The following RALGPS2 variants were observed in gnomAD, a reference collection of about 807,000 sequenced individuals.
RALGPS2 encodes the protein ras-specific guanine nucleotide-releasing factor RalGPS2.
RALGPS2 carries 43 observed loss-of-function variants against 86.8 expected under a neutral mutation model. The observed-to-expected ratio is 0.50, with a 90% CI of 0.39 to 0.64. RALGPS2 has a LOEUF of 0.64. RALGPS2 is among the 30% of genes least tolerant of loss of function. The probability of loss-of-function intolerance (pLI) is 0.00; values close to 1 mark genes in which losing one functional copy is unlikely to be tolerated. For missense variants in RALGPS2, 536 were observed against 694.6 expected, an observed-to-expected ratio of 0.77 and a Z score of 2.57; for synonymous variants, 243 against 231.3, an observed-to-expected ratio of 1.05 and a Z score of -0.46.
At chr1:178,843,901 C>T (rs897798046) in intron 8 of RALGPS2, among the ~76,000 whole-genome samples, 13 of 152,046 alleles carry the variant, frequency 8.6e-5, no homozygotes, top group Non-Finnish European at 1.6e-4. Context: ...CAGTTTAGTT[C>T]GTTTCCAGTA....
At position 178,918,438 on chromosome 1, in the gene RALGPS2, T is replaced by G. The variant is rs899595943; in HGVS notation, c.*2079T>G. 1 of 152,154 alleles carries G rather than the reference T, an allele frequency of 6.6e-6. No individual in the cohort carries two copies. The allele number at this position is 152,154 out of a possible 1,614,324, so 9.4% of individuals were successfully genotyped here. A position where few individuals can be genotyped will look rare whatever the true frequency, so the allele number is the denominator to read the frequency against. ...GTCATAATAAGCTAACGTAGAAATG[T>G]TGTAGGTTAACCATATCTGTGGAAA... is the stretch of plus-strand genomic sequence containing the variant. On this transcript the variant is annotated 3_prime_UTR_variant, in exon 20 of 20. Coordinates refer to ENST00000367635, the MANE Select transcript of RALGPS2 (RefSeq NM_152663.5).
chr1:178,798,035 T>TAAGAAAAAGG (rs1654287411), intron 4 of RALGPS2, among the ~76,000 whole-genome samples: 1 of 133,712 alleles, frequency 7.5e-6, no homozygotes, highest in South Asian at 2.4e-4. Flanking sequence ...AAAAAAAAAT[T>TAAGAAAAAGG]AAGAAAAAGG....
At chr1:178,846,659 G>A (rs1656880647) in intron 8 of RALGPS2, among the ~76,000 whole-genome samples, 1 of 152,082 alleles carries the variant, frequency 6.6e-6, no homozygotes, top group Non-Finnish European at 1.5e-5. Flanking sequence ...TGTTCATAGT[G>A]TTTTCTTTAA....
chr1:178,894,679 A>G (rs550138202), intron 16 of RALGPS2, among the ~76,000 whole-genome samples: 59 of 152,198 alleles, frequency 3.9e-4, no homozygotes, highest in African/African-American at 1.3e-3. Flanking sequence ...TTTTTAGACT[A>G]TGGTTGCCTG....
intron 1 of RALGPS2, among the ~76,000 whole-genome samples, chr1:178,740,825 A>AT (rs1650980276): frequency 6.6e-6 from 1 of 152,146 alleles, no homozygotes; most frequent in Non-Finnish European, 1.5e-5. Context: ...GGTGTCAGAC[A>AT]TTTGACATTA....
At chr1:178,762,625 A>G (rs867758630) in intron 1 of RALGPS2, among the ~76,000 whole-genome samples, 3 of 152,220 alleles carry the variant, frequency 2.0e-5, no homozygotes, top group Admixed American at 6.5e-5. Context: ...GCATTTTTTC[A>G]TATGCTTATT....
At position 178,893,946 on chromosome 1, in the gene RALGPS2, A is replaced by T. The variant is rs1659828812; in HGVS notation, c.1353A>T (p.Val451=). The change falls in exon 16 of 20, where the codon GTA becomes GTT. Residue 451 remains valine (V), a synonymous_variant. Coordinates refer to ENST00000367635, the MANE Select transcript of RALGPS2 (RefSeq NM_152663.5). ...SSSAESEDLA[V]HLYPGAVTIQ... is the part of the protein sequence containing the mutation. ...CTGCAGAATCAGAAGATTTGGCAGT[A>T]CATTTATATCCAGGAGCTGTTACTA... 6.2e-7 allele frequency: 1 copy of T among 1,608,148 alleles called. No homozygotes were observed. Among genetic ancestry groups the T allele is most frequent in the Non-Finnish European group, 8.5e-7 (1 of 1,176,354 alleles).
chr1:178,820,964 C>T (rs1163109979), intron 6 of RALGPS2, among the ~76,000 whole-genome samples: 1 of 152,086 alleles, frequency 6.6e-6, no homozygotes, highest in African/African-American at 2.4e-5. Context: ...AAGCATCAGG[C>T]AGTATTTAAA....
At chr1:178,907,547 G>A (rs1660439311) in intron 19 of RALGPS2, among the ~76,000 whole-genome samples, 1 of 152,160 alleles carries the variant, frequency 6.6e-6, no homozygotes, top group South Asian at 2.1e-4. Flanking sequence ...AATCCATTGT[G>A]TTGTTTTCCC....
At chr1:178,741,256 G>A (rs559016919) in intron 1 of RALGPS2, among the ~76,000 whole-genome samples, 1 of 152,274 alleles carries the variant, frequency 6.6e-6, no homozygotes, top group East Asian at 1.9e-4. Flanking sequence ...TAACTCATTG[G>A]ATGTTTCTGT....
intron 8 of RALGPS2, among the ~76,000 whole-genome samples, chr1:178,861,137 G>A (rs1047029922): frequency 1.3e-5 from 2 of 151,742 alleles, no homozygotes; most frequent in Admixed American, 1.3e-4. Flanking sequence ...GGTAGAACCA[G>A]GTGTTCTTAA....
At chr1:178,852,435 A>G (rs1657235224) in intron 8 of RALGPS2, among the ~76,000 whole-genome samples, 1 of 152,100 alleles carries the variant, frequency 6.6e-6, no homozygotes, top group Non-Finnish European at 1.5e-5. Context: ...TTATTTCCAG[A>G]TTAATGTGTT....
intron 1 of RALGPS2, among the ~76,000 whole-genome samples, chr1:178,764,895 A>G (rs780292901): frequency 1.3e-5 from 2 of 151,964 alleles, no homozygotes; most frequent in African/African-American, 2.4e-5. Flanking sequence ...GTGGTTTCTA[A>G]TGGTTTAGCA....
intron 7 of RALGPS2, among the ~76,000 whole-genome samples, chr1:178,824,392 G>T (rs184579333): frequency 2.6e-5 from 4 of 152,232 alleles, no homozygotes; most frequent in Non-Finnish European, 5.9e-5. Context: ...TATGTTTTAT[G>T]TTGGTGGCAA....
chr1:178,897,895 T>G, intron 17 of RALGPS2, 139 bp downstream of exon 17: 1 of 607,136 alleles, frequency 1.6e-6, no homozygotes, highest in African/African-American at 1.9e-5. Context: ...GTTTTTACAT[T>G]TATTTCTTTT....
In RALGPS2 at chr1:178,732,379, A is replaced by G. The variant is rs578091709; in HGVS notation, c.-84+6960A>G. ...AGTGGCGCGATCTCGGCTCACTGCA[A>G]CTTCCATCTCCTGGGTTCAGGTGGT... is the stretch of plus-strand genomic sequence containing the variant. On this transcript the variant is annotated intron_variant, in intron 1 of 19. Transcript: ENST00000367635. Among the ~76,000 whole-genome samples the G allele has an allele frequency of 3.6e-4, 55 of 152,192 alleles. No individual in the cohort carries two copies. In the South Asian group the frequency reaches 0.011, roughly 32 times the overall value.
intron 6 of RALGPS2, among the ~76,000 whole-genome samples, chr1:178,815,129 G>A (rs1240179081): frequency 2.0e-5 from 3 of 152,112 alleles, no homozygotes; most frequent in Non-Finnish European, 4.4e-5. Context: ...TGCCCAGGCT[G>A]TAGTGCAGTG....
intron 13 of RALGPS2, 89 bp downstream of exon 13, chr1:178,886,209 C>G (rs1659475314): frequency 7.3e-7 from 1 of 1,363,768 alleles, no homozygotes; most frequent in Admixed American, 2.5e-5. Flanking sequence ...CACCCACACA[C>G]AGAGAAAATT....
intron 8 of RALGPS2, among the ~76,000 whole-genome samples, chr1:178,873,280 T>G (rs1025204683): frequency 6.6e-6 from 1 of 152,014 alleles, no homozygotes; most frequent in Admixed American, 6.6e-5. Flanking sequence ...CACAATACAT[T>G]AAGAAATTAG....
Sources: allele counts gnomAD v4.1 joint callset (sites outside exome capture counted in the v4.1 genomes callset), GRCh38; gene constraint gnomAD v4.1.1; transcripts MANE v1.5; gene names NCBI Gene and HGNC (gene_info 2026-07-23, HGNC 2026-07-21).